The following NPNT variants were observed in gnomAD, a reference collection of about 807,000 sequenced individuals.
NPNT encodes the protein preosteoblast EGF-like repeat protein with MAM domain.
In NPNT, 45 loss-of-function variants were observed where a neutral mutation model predicts 68.6. The observed-to-expected ratio is 0.66, with a 90% CI of 0.52 to 0.84. The LOEUF (loss-of-function observed/expected upper bound fraction) is 0.84, where lower values mean the gene tolerates loss of function less well. Ranked by LOEUF, NPNT falls within the 40% of genes least tolerant of loss-of-function variation. The pLI is 0.00. For synonymous variants in NPNT, 233 were observed against 253.3 expected, an observed-to-expected ratio of 0.92 and a Z score of 0.76; for missense variants, 672 against 714.8, an observed-to-expected ratio of 0.94 and a Z score of 0.68.
At chr4:105,901,797 G>A (rs989757218) in intron 2 of NPNT, among the ~76,000 whole-genome samples, 4 of 152,176 alleles carry the variant, frequency 2.6e-5, no homozygotes, top group African/African-American at 4.8e-5. Flanking sequence ...GATTCTTATC[G>A]GCTTCAGATA....
At chr4:105,919,976 AATT>A (rs201069613) in intron 2 of NPNT, among the ~76,000 whole-genome samples, 1,778 of 152,090 alleles carry the variant, frequency 0.012, 16 homozygotes, top group South Asian at 0.024. Flanking sequence ...TCCTCAAATT[AATT>A]ATTTCAATGA....
At chr4:105,937,178 T>C in intron 4 of NPNT, 50 bp downstream of exon 4, 1 of 1,601,430 alleles carries the variant, frequency 6.2e-7, no homozygotes, top group Non-Finnish European at 8.5e-7. Context: ...CTTGTTTCTG[T>C]TGTGCTCTGA....
chr4:105,947,477 G>A (rs1400526329), intron 8 of NPNT, among the ~76,000 whole-genome samples: 2 of 151,958 alleles, frequency 1.3e-5, no homozygotes, highest in Non-Finnish European at 2.9e-5. Flanking sequence ...CCCTCCATTC[G>A]GGGTCCCTGA....
At position 105,967,168 on chromosome 4, in the gene NPNT, C is replaced by T; in HGVS notation, c.1346-20C>T. The T allele has an allele frequency of 6.2e-7, 1 of 1,612,584 alleles. No homozygotes were observed. The highest frequency in any genetic ancestry group is 1.3e-5 in the African/African-American group (1 of 74,974). ...AAGGGATATTGGCACATACACACAG[C>T]CCTGCTTTTCCCATTCCAGGTGGAC... On this transcript the variant is annotated intron_variant, in intron 10 of 11. Coordinates refer to ENST00000379987, the MANE Select transcript of NPNT (RefSeq NM_001033047.3).
chr4:105,926,114 C>A (rs1392912144), intron 2 of NPNT, among the ~76,000 whole-genome samples: 1 of 152,132 alleles, frequency 6.6e-6, no homozygotes, highest in Admixed American at 6.6e-5. Context: ...TAGTCTGCTC[C>A]CTTCTCTGTC....
At position 105,912,320 on chromosome 4, in the gene NPNT, G is replaced by A. The variant is rs570543414; in HGVS notation, c.172+14319G>A. ...ACCTTCTAAATAATTTTACAAAGCT[G>A]TAAACAAAACATTAGTTGTGTTTTT... On this transcript the variant is annotated intron_variant, in intron 2 of 11. Transcript: ENST00000379987. 3.8e-5 allele frequency: 37 copies of A among 972,950 alleles called. No individual in the cohort carries two copies. The South Asian group carries it at 5.4e-4, about 14-fold the overall frequency. 60.3% of individuals were successfully genotyped at this position (972,950 alleles called of 1,614,324 possible).
intron 3 of NPNT, among the ~76,000 whole-genome samples, chr4:105,928,052 C>T (rs147312125): frequency 1.7e-3 from 259 of 152,120 alleles, no homozygotes; most frequent in African/African-American, 5.9e-3. Context: ...GGAAGTAGAG[C>T]ATTATTTATT....
chr4:105,932,474 T>A, intron 3 of NPNT: 1 of 508,742 alleles, frequency 2.0e-6, no homozygotes, highest in East Asian at 3.2e-5. Context: ...CAGAAACTAT[T>A]GTTTATAAAG....
At chr4:105,955,392 A>G (rs1260707930) in intron 8 of NPNT, among the ~76,000 whole-genome samples, 2 of 152,176 alleles carry the variant, frequency 1.3e-5, no homozygotes, top group Non-Finnish European at 1.5e-5. Context: ...ACATATTTCA[A>G]TTTCATAGCC....
At chr4:105,958,870 A>G in intron 9 of NPNT, 158 bp from the exon 10 acceptor site, 1 of 602,712 alleles carries the variant, frequency 1.7e-6, no homozygotes, top group East Asian at 2.8e-5. Flanking sequence ...TGTGCTGAGA[A>G]AAGATTAATG....
intron 3 of NPNT, among the ~76,000 whole-genome samples, chr4:105,928,263 C>A (rs978560752): frequency 1.3e-5 from 2 of 152,082 alleles, no homozygotes; most frequent in Non-Finnish European, 2.9e-5. Flanking sequence ...ATGTGATCCT[C>A]GAACTCATGC....
chr4:105,942,105 CTGTG>C (rs143566124), intron 7 of NPNT, among the ~76,000 whole-genome samples, 198 bp from the exon 8 acceptor site: 106,384 of 147,018 alleles, frequency 0.72, 38,590 homozygotes, highest in East Asian at 0.84. Flanking sequence ...ATGTGTGTGT[CTGTG>C]TGTGTGTATA....
chr4:105,962,787 A>T (rs1453523485), intron 10 of NPNT, among the ~76,000 whole-genome samples: 1 of 152,144 alleles, frequency 6.6e-6, no homozygotes, highest in Non-Finnish European at 1.5e-5. Context: ...ACTGATGGGA[A>T]AATACTAATA....
chr4:105,928,879 A>G (rs1728895941), intron 3 of NPNT, among the ~76,000 whole-genome samples: 1 of 152,094 alleles, frequency 6.6e-6, no homozygotes, highest in African/African-American at 2.4e-5. Flanking sequence ...TCTGATACTT[A>G]TTCCAAGATA....
chr4:105,930,657 G>A (rs1024168942), intron 3 of NPNT, among the ~76,000 whole-genome samples: 1 of 152,180 alleles, frequency 6.6e-6, no homozygotes, highest in African/African-American at 2.4e-5. Flanking sequence ...TTACAGAACT[G>A]GAAATTAGCT....
At chr4:105,914,809 C>A (rs1473561663) in intron 2 of NPNT, among the ~76,000 whole-genome samples, 1 of 151,970 alleles carries the variant, frequency 6.6e-6, no homozygotes, top group Non-Finnish European at 1.5e-5. Flanking sequence ...GAGGGAGGAG[C>A]ACATTCCGAG....
chr4:105,965,842 A>G (rs918580048), intron 10 of NPNT, among the ~76,000 whole-genome samples: 2 of 152,168 alleles, frequency 1.3e-5, no homozygotes, highest in African/African-American at 4.8e-5. Flanking sequence ...CGTTGATTCA[A>G]ACATCCTTAA....
intron 7 of NPNT, 69 bp from the exon 8 acceptor site, chr4:105,942,238 T>C: frequency 1.7e-6 from 2 of 1,210,524 alleles, no homozygotes; most frequent in African/African-American, 1.5e-5. Flanking sequence ...TTTTTATGTC[T>C]GTCAGTGTAA....
At chr4:105,958,447 A>C in intron 8 of NPNT, 24 bp from the exon 9 acceptor site, 1 of 1,510,108 alleles carries the variant, frequency 6.6e-7, no homozygotes, top group Non-Finnish European at 9.2e-7. Context: ...ACACACACAA[A>C]AACTCAAAAC....
Sources: allele counts gnomAD v4.1 joint callset (sites outside exome capture counted in the v4.1 genomes callset), GRCh38; gene constraint gnomAD v4.1.1; transcripts MANE v1.5; gene names NCBI Gene and HGNC (gene_info 2026-07-23, HGNC 2026-07-21).